Variants in DGKG observed in about 807,000 individuals in gnomAD.
DGKG encodes DAG kinase gamma.
In DGKG, 78 loss-of-function variants were observed where a neutral mutation model predicts 105.3. The observed-to-expected ratio is 0.74, with a 90% CI of 0.62 to 0.89. The LOEUF is 0.89. Among genes scored for constraint, DGKG ranks in the 40% least tolerant of loss-of-function variants. DGKG has a pLI of 0.00. For missense variants in DGKG, 958 were observed against 1,020.1 expected (o/e 0.94, Z 0.83); for synonymous variants, 346 against 367.1 (o/e 0.94, Z 0.66).
chr3:186,260,045 GCTGA>G (rs1174450706), intron 16 of DGKG, among the ~76,000 whole-genome samples: 21 of 152,060 alleles, frequency 1.4e-4, no homozygotes, highest in African/African-American at 4.8e-4. Flanking sequence ...TTTCCAAACT[GCTGA>G]CTGACAATGA....
chr3:186,229,048 A>T (rs1719998392), intron 20 of DGKG, among the ~76,000 whole-genome samples: 1 of 152,134 alleles, frequency 6.6e-6, no homozygotes, highest in Admixed American at 6.5e-5. Flanking sequence ...GAAGAAGGAG[A>T]TTTGAACAGA....
chr3:186,182,423 G>T (rs989664386), intron 22 of DGKG, among the ~76,000 whole-genome samples: 3 of 152,152 alleles, frequency 2.0e-5, no homozygotes, highest in Admixed American at 6.5e-5. Context: ...GCTGAGGGAG[G>T]GAGACCATAC....
chr3:186,190,574 A>G (rs1279363676), intron 21 of DGKG, among the ~76,000 whole-genome samples: 2 of 152,204 alleles, frequency 1.3e-5, no homozygotes, highest in African/African-American at 4.8e-5. Context: ...TGACAACATC[A>G]CTTCAGCTTA....
intron 21 of DGKG, among the ~76,000 whole-genome samples, chr3:186,204,079 C>T (rs1031107993): frequency 2.0e-5 from 3 of 152,192 alleles, no homozygotes; most frequent in African/African-American, 7.2e-5. Flanking sequence ...AGTCAAGGTA[C>T]TTAACCTGTG....
chr3:186,333,975 T>C (rs1725713406), intron 1 of DGKG, among the ~76,000 whole-genome samples: 2 of 152,134 alleles, frequency 1.3e-5, no homozygotes, highest in Admixed American at 1.3e-4. Context: ...AGAAGGAACT[T>C]GAGGTCAGCC....
chr3:186,286,398 T>C (rs1560134377), intron 6 of DGKG, among the ~76,000 whole-genome samples: 2 of 152,318 alleles, frequency 1.3e-5, no homozygotes, highest in East Asian at 1.9e-4. Context: ...GCATGAACAA[T>C]AGAACTAGAA....
chr3:186,209,093 C>CTTT lies in DGKG; in HGVS notation c.1917+2699_1917+2701dup, dbSNP rs34226259. Reference sequence around the variant, plus strand: ...TTTTCTCTCCCTTCAGTTTACTCTTCTTTTTTTTTTTTTTTTTTTTTTTAA... The same window carrying CTTT: ...TTTTCTCTCCCTTCAGTTTACTCTTCTTTTTTTTTTTTTTTTTTTTTTTTTTAA... On this transcript the variant is annotated intron_variant, in intron 21 of 24. Coordinates refer to ENST00000265022, the MANE Select transcript of DGKG (RefSeq NM_001346.3). Among the ~76,000 whole-genome samples, 421 of 89,750 alleles carry CTTT rather than the reference C, an allele frequency of 4.7e-3. 10 individuals carry two copies. Among genetic ancestry groups the CTTT allele is most frequent in the Non-Finnish European group, 5.4e-3 (266 of 49,470 alleles). The allele number at this position is 89,750 out of a possible 152,430, so 58.9% of individuals were successfully genotyped here. A position where few individuals can be genotyped will look rare whatever the true frequency, so the allele number is the denominator to read the frequency against.
chr3:186,329,286 G>T (rs1050411148), intron 1 of DGKG, among the ~76,000 whole-genome samples: 1 of 152,138 alleles, frequency 6.6e-6, no homozygotes, highest in Admixed American at 6.5e-5. Flanking sequence ...GAAATGAGGG[G>T]GTGGGAATAA....
intron 17 of DGKG, among the ~76,000 whole-genome samples, chr3:186,254,250 G>C (rs1721359554): frequency 6.6e-6 from 1 of 152,142 alleles, no homozygotes; most frequent in Non-Finnish European, 1.5e-5. Flanking sequence ...AATCAGCAGG[G>C]AAGGCTCAAG....
At chr3:186,359,590 C>A (rs542645476) in intron 1 of DGKG, among the ~76,000 whole-genome samples, 1 of 152,140 alleles carries the variant, frequency 6.6e-6, no homozygotes, top group Admixed American at 6.5e-5. Context: ...AAAAATGCAA[C>A]CCTAGAAAAA....
At chr3:186,155,764 C>G (rs1445463593) in intron 24 of DGKG, among the ~76,000 whole-genome samples, 1 of 152,182 alleles carries the variant, frequency 6.6e-6, no homozygotes, top group Non-Finnish European at 1.5e-5. Flanking sequence ...TGTTGATACT[C>G]TTGCCTCACT....
chr3:186,242,347 T>C (rs1338686331), intron 20 of DGKG, among the ~76,000 whole-genome samples, 157 bp downstream of exon 20: 2 of 151,958 alleles, frequency 1.3e-5, no homozygotes, highest in Admixed American at 1.3e-4. Flanking sequence ...GACACTTTTT[T>C]TTTTCTTGGA....
intron 3 of DGKG, among the ~76,000 whole-genome samples, chr3:186,302,616 ATATACC>A (rs1169390823): frequency 1.8e-5 from 2 of 109,442 alleles, no homozygotes; most frequent in African/African-American, 5.7e-5. Context: ...ATGTGTGTGT[ATATACC>A]TATATCTATA....
chr3:186,239,616 A>C (rs1252585229), intron 20 of DGKG, among the ~76,000 whole-genome samples: 1 of 152,222 alleles, frequency 6.6e-6, no homozygotes, highest in Non-Finnish European at 1.5e-5. Flanking sequence ...AGCAGTATGT[A>C]TGCAAAGTTC....
chr3:186,273,521 T>C (rs752081877), intron 10 of DGKG, among the ~76,000 whole-genome samples: 2 of 151,802 alleles, frequency 1.3e-5, no homozygotes, highest in Non-Finnish European at 2.9e-5. Flanking sequence ...ATTACAAGCA[T>C]GCGCCACCAT....
chr3:186,353,565 G>A (rs866183668), intron 1 of DGKG, among the ~76,000 whole-genome samples: 30 of 116,982 alleles, frequency 2.6e-4, no homozygotes, highest in African/African-American at 9.9e-4. Flanking sequence ...TTTTATGTAT[G>A]TATATATATA....
chr3:186,162,821 C>T (rs1011158197), intron 23 of DGKG, among the ~76,000 whole-genome samples: 19 of 152,160 alleles, frequency 1.2e-4, no homozygotes, highest in Non-Finnish European at 2.1e-4. Flanking sequence ...GGATTACAGG[C>T]GTGAGCCACC....
intron 5 of DGKG, 64 bp downstream of exon 5, chr3:186,297,357 C>T: frequency 7.9e-7 from 1 of 1,273,030 alleles, no homozygotes; most frequent in Non-Finnish European, 1.2e-6. Context: ...TAGGTTTCCC[C>T]ACTTCTCCCC....
At chr3:186,334,051 G>T (rs78616436) in intron 1 of DGKG, among the ~76,000 whole-genome samples, 2,150 of 152,106 alleles carry the variant, frequency 0.014, 52 homozygotes, top group African/African-American at 0.049. Context: ...TTCTGCCAAC[G>T]CCTGATCTCC....
Sources: gnomAD v4.1 joint callset for allele counts (sites outside exome capture counted in the v4.1 genomes callset) on GRCh38, gnomAD v4.1.1 for gene constraint, MANE v1.5 for transcripts, NCBI Gene and HGNC (gene_info 2026-07-23, HGNC 2026-07-21) for gene names.